The following STX18 variants were observed in gnomAD, a reference collection of about 807,000 sequenced individuals.
STX18 encodes the protein syntaxin 18.
In STX18, 40 loss-of-function variants were observed where a neutral mutation model predicts 50.1. The observed-to-expected ratio is 0.80, with a 90% CI of 0.62 to 1.04. The LOEUF is 1.04. Ranked by LOEUF, STX18 falls within the 50% of genes least tolerant of loss-of-function variation. The pLI is 0.00. For synonymous variants in STX18, 158 were observed against 151.8 expected, an observed-to-expected ratio of 1.04 and a Z score of -0.30; for missense variants, 410 against 415.8, an observed-to-expected ratio of 0.99 and a Z score of 0.12.
intron 5 of STX18, among the ~76,000 whole-genome samples, chr4:4,446,044 T>C (rs998077276): frequency 6.6e-6 from 1 of 152,180 alleles, no homozygotes; most frequent in Non-Finnish European, 1.5e-5. Flanking sequence ...TCAACTGACT[T>C]TTGATGACGA....
At chr4:4,427,558 C>A (rs1442731664) in intron 7 of STX18, among the ~76,000 whole-genome samples, 2 of 152,248 alleles carry the variant, frequency 1.3e-5, no homozygotes, top group African/African-American at 4.8e-5. Flanking sequence ...TTGAATTTTT[C>A]TAATGACAAA....
chr4:4,458,137 T>C (rs987933066), intron 3 of STX18, among the ~76,000 whole-genome samples: 12 of 152,190 alleles, frequency 7.9e-5, no homozygotes, highest in Non-Finnish European at 1.6e-4. Flanking sequence ...TGCTAGCACT[T>C]TACATATGTA....
chr4:4,479,804 C>T (rs1475978581), intron 1 of STX18, among the ~76,000 whole-genome samples: 2 of 152,194 alleles, frequency 1.3e-5, no homozygotes, highest in Non-Finnish European at 2.9e-5. Flanking sequence ...AAAAAAGACT[C>T]TCTTACATTA....
At chr4:4,449,302 C>T (rs139022201) in intron 5 of STX18, among the ~76,000 whole-genome samples, 11 of 152,162 alleles carry the variant, frequency 7.2e-5, no homozygotes, top group East Asian at 5.8e-4. Flanking sequence ...CCTCCCACCT[C>T]GGCCTCCCAA....
chr4:4,430,014 G>A (rs1560159119), intron 7 of STX18, among the ~76,000 whole-genome samples: 1 of 152,232 alleles, frequency 6.6e-6, no homozygotes, highest in Non-Finnish European at 1.5e-5. Context: ...TAGAAAGGGA[G>A]AAATTTTCTT....
At chr4:4,453,111 G>T (rs1453872299) in intron 5 of STX18, among the ~76,000 whole-genome samples, 1 of 152,202 alleles carries the variant, frequency 6.6e-6, no homozygotes, top group Non-Finnish European at 1.5e-5. Context: ...AAGAGACTGT[G>T]AACATTGTTG....
At position 4,457,249 on chromosome 4, in the gene STX18, T is replaced by C. The variant is rs1727128986; in HGVS notation, c.439A>G (p.Lys147Glu). The change falls in exon 5 of 11, where the codon AAA (lysine) becomes GAA (glutamate). Residue 147 changes from lysine to glutamate, a missense_variant. Physicochemically the swap from Lys to Glu is moderately conservative, Grantham distance 56. Transcript: ENST00000306200. ...ATGGCTCTCTGTTCTGAGTAAAGTT[T>C]ACATACTCCTGTTGCAGAAGAAAAT... ...FIEDYLKRVCKLYSEQRAIRV... is the reference protein window; with the variant it reads ...FIEDYLKRVCELYSEQRAIRV... The C allele has an allele frequency of 1.2e-6, 2 of 1,614,000 alleles. No homozygotes were observed. The highest frequency in any genetic ancestry group is 1.7e-6 in the Non-Finnish European group (2 of 1,179,966).
chr4:4,528,188 G>A (rs896411559), intron 1 of STX18, among the ~76,000 whole-genome samples: 1 of 152,060 alleles, frequency 6.6e-6, no homozygotes, highest in Non-Finnish European at 1.5e-5. Context: ...TCCTGCTGGA[G>A]CCTCCCATTA....
intron 1 of STX18, among the ~76,000 whole-genome samples, chr4:4,508,226 T>TTGTCTGTTCATGG (rs1157864998): frequency 1.3e-5 from 2 of 152,212 alleles, no homozygotes; most frequent in Admixed American, 6.5e-5. Flanking sequence ...TTTTTGTTTT[T>TTGTCTGTTCATGG]TGTCTGTTCA....
intron 5 of STX18, among the ~76,000 whole-genome samples, chr4:4,439,201 TAC>T (rs1010145813): frequency 8.7e-6 from 1 of 114,856 alleles, no homozygotes; most frequent in African/African-American, 3.6e-5. Context: ...CCCATATATA[TAC>T]ATACATGCAT....
At chr4:4,527,583 T>C (rs886457784) in intron 1 of STX18, among the ~76,000 whole-genome samples, 2 of 151,862 alleles carry the variant, frequency 1.3e-5, no homozygotes, top group Non-Finnish European at 2.9e-5. Flanking sequence ...TGATTCAGGA[T>C]CTGATAATGG....
At chr4:4,484,960 A>T (rs1033220363) in intron 1 of STX18, among the ~76,000 whole-genome samples, 2 of 152,250 alleles carry the variant, frequency 1.3e-5, no homozygotes, top group Non-Finnish European at 2.9e-5. Context: ...AAGAAGTTCC[A>T]ACCCAAGGAT....
chr4:4,488,934 T>A (rs1335675493), intron 1 of STX18, among the ~76,000 whole-genome samples: 2 of 152,198 alleles, frequency 1.3e-5, no homozygotes, highest in Admixed American at 6.5e-5. Context: ...AAGCGGCCCA[T>A]AGCAAGAACA....
intron 5 of STX18, among the ~76,000 whole-genome samples, chr4:4,439,113 CCCA>C (rs1340041850): frequency 4.6e-5 from 5 of 109,814 alleles, no homozygotes; most frequent in East Asian, 2.9e-4. Context: ...CACACATACC[CCCA>C]CATGTATACA....
At chr4:4,463,493 G>A (rs1727482382) in intron 2 of STX18, among the ~76,000 whole-genome samples, 1 of 152,296 alleles carries the variant, frequency 6.6e-6, no homozygotes, top group African/African-American at 2.4e-5. Flanking sequence ...AGATTCACAT[G>A]GTTCGTAAGG....
At chr4:4,487,227 A>G (rs1728737958) in intron 1 of STX18, among the ~76,000 whole-genome samples, 1 of 152,146 alleles carries the variant, frequency 6.6e-6, no homozygotes, top group African/African-American at 2.4e-5. Context: ...GCTGGCCATC[A>G]GTGGGGGTTT....
chr4:4,433,755 T>C (rs1248986458), intron 7 of STX18, among the ~76,000 whole-genome samples: 1 of 152,024 alleles, frequency 6.6e-6, no homozygotes, highest in African/African-American at 2.4e-5. Flanking sequence ...TAGAGAGAGC[T>C]TGAAATTTCA....
chr4:4,488,702 G>A (rs1728804122), intron 1 of STX18, among the ~76,000 whole-genome samples: 1 of 152,198 alleles, frequency 6.6e-6, no homozygotes, highest in South Asian at 2.1e-4. Flanking sequence ...CTACTGCAAA[G>A]TTAAAGTTCT....
chr4:4,421,123 C>T (rs1724936102), intron 9 of STX18, among the ~76,000 whole-genome samples, 179 bp from the exon 10 acceptor site: 1 of 152,124 alleles, frequency 6.6e-6, no homozygotes, highest in Non-Finnish European at 1.5e-5. Flanking sequence ...CAGCCACTTC[C>T]TCCTCCCTGA....
Sources: gnomAD v4.1 joint callset for allele counts (sites outside exome capture counted in the v4.1 genomes callset) on GRCh38, gnomAD v4.1.1 for gene constraint, MANE v1.5 for transcripts, NCBI Gene and HGNC (gene_info 2026-07-23, HGNC 2026-07-21) for gene names.